MGMT: variants seen among roughly 807,000 people sequenced by gnomAD.
MGMT encodes O-6-methylguanine-DNA methyltransferase.
In MGMT, 14 loss-of-function variants were observed where a neutral mutation model predicts 15.9. That is an observed-to-expected ratio of 0.88 (90% confidence interval 0.58 to 1.37). The LOEUF (loss-of-function observed/expected upper bound fraction) is 1.37. Ranked by LOEUF, MGMT falls within the 40% of genes most tolerant of loss-of-function variation. MGMT has a pLI of 0.00. For synonymous variants in MGMT, 130 were observed against 118.2 expected, an observed-to-expected ratio of 1.10 and a Z score of -0.65; for missense variants, 282 against 268.1, an observed-to-expected ratio of 1.05 and a Z score of -0.36.
intron 3 of MGMT, among the ~76,000 whole-genome samples, chr10:129,715,213 T>C (rs1848279928): frequency 1.3e-5 from 2 of 152,318 alleles, no homozygotes; most frequent in East Asian, 3.9e-4. Flanking sequence ...TAAAATATAA[T>C]TTAACTCTGG....
intron 1 of MGMT, among the ~76,000 whole-genome samples, chr10:129,478,244 C>A (rs556357563): frequency 1.2e-3 from 185 of 152,272 alleles, no homozygotes; most frequent in African/African-American, 4.3e-3. Flanking sequence ...TTTTTTCCCC[C>A]CCTCCAGATT....
Position 129,647,041 on chromosome 10 carries a change from G to A in MGMT, c.126-60854G>A, listed in dbSNP as rs567639617. 3.9e-5 allele frequency among the ~76,000 whole-genome samples: 6 copies of A among 152,150 alleles called. No individual in the cohort carries two copies. The South Asian group carries it at 1.2e-3, about 32-fold the overall frequency. On this transcript the variant is annotated intron_variant, in intron 2 of 4. Coordinates refer to ENST00000651593, the MANE Select transcript of MGMT (RefSeq NM_002412.5). ...ATTTTCCTCCCAGCCGCTCAGTCCA[G>A]GTGTGTGTCAGTTTGCACGCCTCCC...
intron 1 of MGMT, among the ~76,000 whole-genome samples, chr10:129,471,155 G>A (rs937636124): frequency 6.6e-6 from 1 of 152,178 alleles, no homozygotes; most frequent in South Asian, 2.1e-4. Flanking sequence ...TATAGACATC[G>A]TTCTGCCAGT....
chr10:129,563,448 C>T (rs1324652051), intron 2 of MGMT, among the ~76,000 whole-genome samples: 1 of 152,212 alleles, frequency 6.6e-6, no homozygotes, highest in East Asian at 1.9e-4. Context: ...TCAGTTACCA[C>T]TTTCTGTCCC....
intron 1 of MGMT, among the ~76,000 whole-genome samples, chr10:129,512,333 T>G (rs1845692807): frequency 6.6e-6 from 1 of 152,184 alleles, no homozygotes. Flanking sequence ...TGAGAACAAG[T>G]GTTTGCTATG....
At chr10:129,714,816 G>A (rs190050682) in intron 3 of MGMT, among the ~76,000 whole-genome samples, 72 of 152,294 alleles carry the variant, frequency 4.7e-4, no homozygotes, top group African/African-American at 1.7e-3. Flanking sequence ...TAGGAAAGGG[G>A]TGCTCGGCTC....
intron 2 of MGMT, among the ~76,000 whole-genome samples, chr10:129,683,329 A>G (rs1847873316): frequency 6.6e-6 from 1 of 152,204 alleles, no homozygotes; most frequent in South Asian, 2.1e-4. Context: ...GAAATTTAGG[A>G]AAGAAAGGAA....
intron 1 of MGMT, among the ~76,000 whole-genome samples, chr10:129,480,862 C>T (rs932652312): frequency 6.6e-6 from 1 of 152,254 alleles, no homozygotes; most frequent in African/African-American, 2.4e-5. Context: ...GAGTCATTCA[C>T]ACTAGCAAAG....
At chr10:129,655,737 G>A (rs997292350) in intron 2 of MGMT, among the ~76,000 whole-genome samples, 1 of 152,190 alleles carries the variant, frequency 6.6e-6, no homozygotes, top group South Asian at 2.1e-4. Context: ...GTGGGTTGTC[G>A]TTACGTGAGC....
intron 1 of MGMT, among the ~76,000 whole-genome samples, chr10:129,491,113 T>C (rs1249487644): frequency 1.3e-5 from 2 of 152,134 alleles, no homozygotes; most frequent in Non-Finnish European, 1.5e-5. Context: ...CCATTGGTTC[T>C]CCATCATCAT....
intron 3 of MGMT, among the ~76,000 whole-genome samples, chr10:129,747,566 C>T (rs1262252438): frequency 1.3e-5 from 2 of 152,210 alleles, no homozygotes; most frequent in African/African-American, 4.8e-5. Flanking sequence ...ATACTGCACA[C>T]CTATTTTCCC....
intron 2 of MGMT, among the ~76,000 whole-genome samples, chr10:129,597,307 G>A (rs558733053): frequency 1.5e-4 from 23 of 152,228 alleles, no homozygotes; most frequent in African/African-American, 3.1e-4. Flanking sequence ...GCAGAGCTAC[G>A]ACTGGAAAAC....
At chr10:129,600,973 A>G (rs949970686) in intron 2 of MGMT, among the ~76,000 whole-genome samples, 2 of 152,130 alleles carry the variant, frequency 1.3e-5, no homozygotes, top group African/African-American at 4.8e-5. Flanking sequence ...TATTAATATC[A>G]ATATCAGAGT....
At chr10:129,729,625 T>G (rs1407829273) in intron 3 of MGMT, among the ~76,000 whole-genome samples, 1 of 152,248 alleles carries the variant, frequency 6.6e-6, no homozygotes, top group East Asian at 1.9e-4. Context: ...CTCATTTCTC[T>G]GCAGAGAAAT....
chr10:129,583,046 A>G (rs1283114983), intron 2 of MGMT, among the ~76,000 whole-genome samples: 6 of 152,186 alleles, frequency 3.9e-5, no homozygotes, highest in Admixed American at 3.9e-4. Context: ...TCTTGAGGGA[A>G]AAAAATCTTA....
chr10:129,474,596 G>T (rs956073918), intron 1 of MGMT, among the ~76,000 whole-genome samples: 7 of 152,184 alleles, frequency 4.6e-5, no homozygotes, highest in Non-Finnish European at 8.8e-5. Flanking sequence ...GACTGCAGCC[G>T]CGTTCAGGCG....
intron 2 of MGMT, among the ~76,000 whole-genome samples, chr10:129,661,910 C>G (rs1454498296): frequency 6.6e-6 from 1 of 152,202 alleles, no homozygotes; most frequent in African/African-American, 2.4e-5. Flanking sequence ...TACACCCTTT[C>G]CATAGGCTTC....
intron 2 of MGMT, among the ~76,000 whole-genome samples, chr10:129,678,869 C>T (rs61874311): frequency 2.0e-5 from 3 of 151,868 alleles, no homozygotes; most frequent in Admixed American, 6.6e-5. Flanking sequence ...GTCGGGAGTT[C>T]GAGACCAGTC....
chr10:129,471,938 C>T (rs1845236162), intron 1 of MGMT, among the ~76,000 whole-genome samples: 1 of 152,174 alleles, frequency 6.6e-6, no homozygotes, highest in Non-Finnish European at 1.5e-5. Context: ...AAATTGCAAA[C>T]CCAACATGTT....
Sources: gnomAD v4.1 joint callset for allele counts (sites outside exome capture counted in the v4.1 genomes callset) on GRCh38, gnomAD v4.1.1 for gene constraint, MANE v1.5 for transcripts, NCBI Gene and HGNC (gene_info 2026-07-23, HGNC 2026-07-21) for gene names.